NFATC3: variants seen among roughly 807,000 people sequenced by gnomAD.
The protein encoded by NFATC3 is nuclear factor of activated T-cells, cytoplasmic 3.
Under a neutral mutation model 98.6 loss-of-function variants are expected in NFATC3, and 46 were observed. The observed-to-expected ratio is 0.47, with a 90% confidence interval of 0.37 to 0.60. The LOEUF is 0.60. Among genes scored for constraint, NFATC3 ranks in the 20% least tolerant of loss-of-function variants. The probability of loss-of-function intolerance (pLI) is 0.00; values close to 1 mark genes in which losing one functional copy is unlikely to be tolerated. For synonymous variants in NFATC3, 512 were observed against 472.2 expected, an observed-to-expected ratio of 1.08 and a Z score of -1.09; for missense variants, 1,256 against 1,295.5, an observed-to-expected ratio of 0.97 and a Z score of 0.47.
intron 4 of NFATC3, among the ~76,000 whole-genome samples, chr16:68,161,465 T>G (rs1299026572): frequency 6.6e-6 from 1 of 152,202 alleles, no homozygotes; most frequent in African/African-American, 2.4e-5. Context: ...AAAACCACTA[T>G]TAAAGACAGT....
At chr16:68,120,999 A>G (rs549454247) in intron 1 of NFATC3, among the ~76,000 whole-genome samples, 365 of 152,068 alleles carry the variant, frequency 2.4e-3, no homozygotes, top group Non-Finnish European at 4.7e-3. Flanking sequence ...CTTTCAGGCT[A>G]TGTGAATAAG....
At chr16:68,154,634 T>G (rs2038513932) in intron 3 of NFATC3, among the ~76,000 whole-genome samples, 1 of 152,216 alleles carries the variant, frequency 6.6e-6, no homozygotes, top group Admixed American at 6.5e-5. Context: ...GGAACTGACC[T>G]TTACGTATCT....
intron 1 of NFATC3, among the ~76,000 whole-genome samples, chr16:68,097,974 G>A (rs1598351806): frequency 6.6e-6 from 1 of 152,062 alleles, no homozygotes; most frequent in African/African-American, 2.4e-5. Context: ...TGCGGGGGTT[G>A]GGTGCTGACT....
chr16:68,144,340 A>G (rs2037919714), intron 3 of NFATC3, among the ~76,000 whole-genome samples: 1 of 152,198 alleles, frequency 6.6e-6, no homozygotes, highest in South Asian at 2.1e-4. Flanking sequence ...TGAGAGTTAA[A>G]ATGATACAGC....
At chr16:68,206,995 G>A (rs2041171317) in intron 9 of NFATC3, among the ~76,000 whole-genome samples, 4 of 141,182 alleles carry the variant, frequency 2.8e-5, no homozygotes, top group Admixed American at 1.5e-4. Flanking sequence ...GTTGATGAAC[G>A]CATACATATT....
In NFATC3 at chr16:68,158,033, A is replaced by T; in HGVS notation, c.1566A>T (p.Glu522Asp). The change falls in exon 4 of 10, where the codon GAA becomes GAT. Residue 522 changes from glutamate to aspartate, a missense_variant. Transcript: ENST00000346183. ...TAATTGCCAGTACAAAAGTTCTGGA[A>T]ATTCCACTTCTTCCTGAAAATAATA... ...EIIIASTKVL[E>D]IPLLPENNMS... The T allele has an allele frequency of 6.2e-7, 1 of 1,613,300 alleles. No homozygotes were observed. The highest frequency in any genetic ancestry group is 8.5e-7 in the Non-Finnish European group (1 of 1,179,602).
chr16:68,213,706 G>A (rs1261522455), intron 9 of NFATC3, among the ~76,000 whole-genome samples: 1 of 152,036 alleles, frequency 6.6e-6, no homozygotes, highest in Non-Finnish European at 1.5e-5. Flanking sequence ...GTGAGTGCCT[G>A]TAGTCCCAGC....
chr16:68,129,939 A>G (rs1274508304), intron 3 of NFATC3, among the ~76,000 whole-genome samples: 1 of 151,724 alleles, frequency 6.6e-6, no homozygotes, highest in Non-Finnish European at 1.5e-5. Context: ...TGGCCTCCCA[A>G]AGTACTGGGA....
intron 1 of NFATC3, chr16:68,085,999 A>T: frequency 2.3e-6 from 1 of 441,768 alleles, no homozygotes; most frequent in East Asian, 3.8e-5. Flanking sequence ...GGCTGGAAGC[A>T]AACTAGTGGG....
chr16:68,121,242 CTTTTT>C (rs753615194), intron 1 of NFATC3, among the ~76,000 whole-genome samples: 5 of 102,354 alleles, frequency 4.9e-5, no homozygotes, highest in Non-Finnish European at 9.9e-5. Flanking sequence ...CTTTTCTTTT[CTTTTT>C]TTTTTTTTTT....
intron 1 of NFATC3, among the ~76,000 whole-genome samples, chr16:68,090,107 G>C (rs1482400345): frequency 1.3e-5 from 2 of 151,896 alleles, no homozygotes; most frequent in African/African-American, 2.4e-5. Context: ...ACTTTGTTTA[G>C]TGCTTGGAGA....
In NFATC3 at chr16:68,093,707, G is replaced by A. The variant is rs568097718; in HGVS notation, c.103+7923G>A. ...GAGAGAGGTATTATTTCTATTTAGC[G>A]CATAAGGAAACAGAAATGCAGATGG... On this transcript the variant is annotated intron_variant, in intron 1 of 9. Coordinates refer to ENST00000346183, the MANE Select transcript of NFATC3 (RefSeq NM_173165.3). Among the ~76,000 whole-genome samples, 11 of 152,212 alleles carry A rather than the reference G, an allele frequency of 7.2e-5. 1 individual carries two copies. Among genetic ancestry groups the A allele is most frequent in the South Asian group, 4.2e-4 (2 of 4,818 alleles).
At chr16:68,133,906 C>T (rs1220290664) in intron 3 of NFATC3, among the ~76,000 whole-genome samples, 1 of 150,858 alleles carries the variant, frequency 6.6e-6, no homozygotes, top group Non-Finnish European at 1.5e-5. Flanking sequence ...AAATGACTTT[C>T]GATGGACAAA....
At chr16:68,216,140 G>A (rs1021705141) in intron 9 of NFATC3, among the ~76,000 whole-genome samples, 1 of 152,170 alleles carries the variant, frequency 6.6e-6, no homozygotes, top group Admixed American at 6.6e-5. Flanking sequence ...CAGAGCACAG[G>A]TAGTGGAATG....
chr16:68,098,254 T>C (rs1305532296), intron 1 of NFATC3, among the ~76,000 whole-genome samples: 3 of 149,686 alleles, frequency 2.0e-5, no homozygotes, highest in Non-Finnish European at 4.4e-5. Context: ...TTGGTAGATG[T>C]ACATTTAACT....
intron 8 of NFATC3, chr16:68,189,171 G>A (rs1055031428): frequency 2.0e-5 from 3 of 152,286 alleles, no homozygotes; most frequent in Admixed American, 6.5e-5. Context: ...CATTGATTAT[G>A]TCTATCCTTA....
At chr16:68,118,086 GTTAT>G (rs2036383602) in intron 1 of NFATC3, among the ~76,000 whole-genome samples, 1 of 152,176 alleles carries the variant, frequency 6.6e-6, no homozygotes, top group African/African-American at 2.4e-5. Context: ...AAACCAAGGC[GTTAT>G]TTGACTCAGA....
In NFATC3 at chr16:68,166,826, TG is replaced by T. The variant is rs767698376; in HGVS notation, c.1602-16del. ...ATTATCAATAAACAAATTAAATTTT[TG>T]TATTTTTCTCTTTAGTATTGATTGT... On this transcript the variant is annotated splice_polypyrimidine_tract_variant and intron_variant, in intron 4 of 9. Transcript: ENST00000346183. 1 of 1,580,612 alleles carries T rather than the reference TG, an allele frequency of 6.3e-7. No homozygotes were observed. The highest frequency in any genetic ancestry group is 1.4e-5 in the African/African-American group (1 of 73,782).
chr16:68,215,970 C>T (rs1237257699), intron 9 of NFATC3, among the ~76,000 whole-genome samples: 1 of 152,160 alleles, frequency 6.6e-6, no homozygotes, highest in South Asian at 2.1e-4. Context: ...CCTCGTGATC[C>T]GCCCACCTTG....
Sources: gnomAD v4.1 joint callset for allele counts (sites outside exome capture counted in the v4.1 genomes callset) on GRCh38, gnomAD v4.1.1 for gene constraint, MANE v1.5 for transcripts, NCBI Gene and HGNC (gene_info 2026-07-23, HGNC 2026-07-21) for gene names.